POLN: variants seen among roughly 807,000 people sequenced by gnomAD.
The protein encoded by POLN is DNA polymerase N.
Under a neutral mutation model 113.5 loss-of-function variants are expected in POLN, and 108 were observed. The ratio of observed to expected loss-of-function variants is 0.95; its 90% CI spans 0.81 to 1.12. POLN has a LOEUF of 1.12. Ranked by LOEUF, POLN falls within the 50% of genes most tolerant of loss-of-function variation. The probability of loss-of-function intolerance (pLI) is 0.00; values close to 1 mark genes in which losing one functional copy is unlikely to be tolerated. For synonymous variants in POLN, 386 were observed against 391.5 expected, an observed-to-expected ratio of 0.99 and a Z score of 0.17; for missense variants, 1,097 against 1,077.1, an observed-to-expected ratio of 1.02 and a Z score of -0.26.
chr4:2,090,621 G>T, intron 20 of POLN: 1 of 409,716 alleles, frequency 2.4e-6, no homozygotes, highest in Non-Finnish European at 4.6e-6. Context: ...GGGCCATGAC[G>T]GTGGAGAGGG....
intron 19 of POLN, among the ~76,000 whole-genome samples, chr4:2,123,522 G>A (rs1731499064): frequency 1.3e-5 from 2 of 151,536 alleles, no homozygotes; most frequent in South Asian, 4.2e-4. Flanking sequence ...AGCTACTCGG[G>A]AGGCTGAGGC....
intron 8 of POLN, among the ~76,000 whole-genome samples, chr4:2,178,647 T>C (rs1733053935): frequency 6.6e-6 from 1 of 151,752 alleles, no homozygotes; most frequent in Non-Finnish European, 1.5e-5. Context: ...AGTCTCACTC[T>C]GTCACTCAGG....
rs1243082478 is a variant in POLN, at chr4:2,075,480, C to T, written c.2427G>A (p.Val809=). Residue 809 remains valine, a synonymous_variant, in exon 24 of 26, where the codon GTG becomes GTA. Transcript: ENST00000511885. ...CACACTCCGGGATCTGCGGATCTTC[C>T]ACTTCAAACAGCAGCTCATCATGGA... The part of the protein sequence containing the change: ...AQIHDELLFE[V]EDPQIPECAA... The T allele has an allele frequency of 6.8e-6, 11 of 1,613,430 alleles. No homozygotes were observed. The highest frequency in any genetic ancestry group is 8.5e-6 in the Non-Finnish European group (10 of 1,180,036).
intron 2 of POLN, chr4:2,238,912 C>T (rs1424666003): frequency 6.2e-7 from 1 of 1,612,616 alleles, no homozygotes; most frequent in African/African-American, 1.3e-5. Context: ...CTGGCATATT[C>T]AATAACTGGG....
chr4:2,238,892 C>G, intron 2 of POLN: 1 of 1,613,164 alleles, frequency 6.2e-7, no homozygotes, highest in Non-Finnish European at 8.5e-7. Context: ...ATCAAAATCT[C>G]CCTTTACCAC....
chr4:2,156,829 G>T lies in POLN; in HGVS notation c.1690C>A (p.Gln564Lys). ...KKGSISSTWN[Q>K]TGTVTGRLSA... ...AGTCTTCCAGTCACAGTTCCAGTCTGATTCCATGTAGAGGAAATGGAGCCC... is the reference window on the plus strand; with the variant it reads ...AGTCTTCCAGTCACAGTTCCAGTCTTATTCCATGTAGAGGAAATGGAGCCC... The change falls in exon 16 of 26, where the codon CAG (glutamine) becomes AAG (lysine). Residue 564 changes from glutamine (Q) to lysine (K), a missense_variant. By Grantham distance (53) the Gln-to-Lys change is moderately conservative (BLOSUM62 1). Transcript: ENST00000511885. The T allele has an allele frequency of 6.2e-7, 1 of 1,612,932 alleles. No individual in the cohort carries two copies. Among genetic ancestry groups the T allele is most frequent in the Non-Finnish European group, 8.5e-7 (1 of 1,178,876 alleles).
chr4:2,116,359 G>GT (rs1731318417), intron 19 of POLN, among the ~76,000 whole-genome samples: 1 of 152,056 alleles, frequency 6.6e-6, no homozygotes, highest in African/African-American at 2.4e-5. Context: ...AAAATCCATG[G>GT]TTTTTTCTTT....
intron 20 of POLN, among the ~76,000 whole-genome samples, chr4:2,091,794 T>TGG (rs1379478976): frequency 7.7e-6 from 1 of 130,698 alleles, no homozygotes; most frequent in Non-Finnish European, 1.6e-5. Context: ...TGTGTGTGTG[T>TGG]GTGTGTGCGC....
At chr4:2,177,112 T>C (rs1355824019) in intron 8 of POLN, among the ~76,000 whole-genome samples, 1 of 152,200 alleles carries the variant, frequency 6.6e-6, no homozygotes, top group Non-Finnish European at 1.5e-5. Flanking sequence ...AGTCCCTCCA[T>C]GTCAAGTTCT....
chr4:2,108,005 T>G (rs1167306699), intron 19 of POLN, among the ~76,000 whole-genome samples: 1 of 150,552 alleles, frequency 6.6e-6, no homozygotes, highest in Non-Finnish European at 1.5e-5. Context: ...TTTGCACCTT[T>G]GCTCCTTTTG....
chr4:2,143,065 G>C (rs35447168), intron 16 of POLN, among the ~76,000 whole-genome samples: 10 of 151,920 alleles, frequency 6.6e-5, no homozygotes, highest in Non-Finnish European at 1.2e-4. Context: ...AAAATGTATG[G>C]GTTAAAGATA....
rs1730401649 is a variant in POLN at position 2,081,040 on chromosome 4, T to C, written c.2309-4A>G. 6.2e-7 allele frequency: 1 copy of C among 1,613,422 alleles called. No individual in the cohort carries two copies. Among genetic ancestry groups the C allele is most frequent in the African/African-American group, 1.3e-5 (1 of 74,898 alleles). ...TTGCAGAGGTCAGCAGCGGAGCCTA[T>C]GGGGCGCGTGGTACTGTCTTGAGGT... On this transcript the variant is annotated splice_region_variant and splice_polypyrimidine_tract_variant and intron_variant, in intron 22 of 25. Transcript: ENST00000511885.
intron 11 of POLN, among the ~76,000 whole-genome samples, chr4:2,173,455 C>A (rs757260244): frequency 2.6e-5 from 4 of 151,880 alleles, no homozygotes. Flanking sequence ...GAATTTATTT[C>A]TTTTATTTTA....
chr4:2,086,826 G>C (rs1421582903), intron 20 of POLN, among the ~76,000 whole-genome samples: 1 of 152,202 alleles, frequency 6.6e-6, no homozygotes, highest in African/African-American at 2.4e-5. Context: ...AAACTCTAGG[G>C]TTGTACTAGA....
Position 2,225,442 on chromosome 4 carries a change from C to T in POLN, c.133+3657G>A, listed in dbSNP as rs547121152. On this transcript the variant is annotated intron_variant, in intron 3 of 25. Transcript: ENST00000511885. ...TGGTGGTGGGCGCCTGTAATACTGG[C>T]TACTCAGGAGGCTGTGGCAGGAGAA... is the stretch of plus-strand genomic sequence containing the variant. 7.9e-5 allele frequency among the ~76,000 whole-genome samples: 12 copies of T among 151,950 alleles called. No homozygotes were observed. In the East Asian group the frequency reaches 2.1e-3, roughly 27 times the overall value.
At chr4:2,113,129 C>T (rs1355778878) in intron 19 of POLN, among the ~76,000 whole-genome samples, 6 of 150,010 alleles carry the variant, frequency 4.0e-5, no homozygotes, top group East Asian at 2.0e-4. Context: ...AGCAAACTAT[C>T]GCAAGGACAA....
chr4:2,200,498 G>A (rs1354429081), intron 5 of POLN, among the ~76,000 whole-genome samples: 1 of 152,186 alleles, frequency 6.6e-6, no homozygotes, highest in Non-Finnish European at 1.5e-5. Context: ...TACTGTGTTG[G>A]TATCCACAAC....
At chr4:2,232,028 C>T in intron 2 of POLN, 1 of 1,514,268 alleles carries the variant, frequency 6.6e-7, no homozygotes, top group Non-Finnish European at 9.1e-7. Flanking sequence ...ACATAGAATT[C>T]TCTTTCCATT....
chr4:2,098,229 C>T (rs1016886285), intron 19 of POLN, among the ~76,000 whole-genome samples: 7 of 152,116 alleles, frequency 4.6e-5, no homozygotes, highest in African/African-American at 1.4e-4. Flanking sequence ...GCCTGGGCAA[C>T]ATAGCAAGAC....
Sources: allele counts gnomAD v4.1 joint callset (sites outside exome capture counted in the v4.1 genomes callset), GRCh38; gene constraint gnomAD v4.1.1; transcripts MANE v1.5; gene names NCBI Gene and HGNC (gene_info 2026-07-23, HGNC 2026-07-21).